Variants in LPP observed in about 807,000 individuals in gnomAD.
LPP encodes the protein LIM domain containing preferred translocation partner in lipoma.
In LPP, 38 loss-of-function variants were observed where a neutral mutation model predicts 60.4. That is an observed-to-expected ratio of 0.63 (90% confidence interval 0.49 to 0.83). The LOEUF (loss-of-function observed/expected upper bound fraction) is 0.83. Among genes scored for constraint, LPP ranks in the 40% least tolerant of loss-of-function variants. The probability of loss-of-function intolerance (pLI) is 0.00; values close to 1 mark genes in which losing one functional copy is unlikely to be tolerated. For missense variants in LPP, 902 were observed against 783.6 expected (o/e 1.15, Z -1.80); for synonymous variants, 328 against 290.8 (o/e 1.13, Z -1.30).
intron 8 of LPP, among the ~76,000 whole-genome samples, chr3:188,755,858 A>C (rs1577363241): frequency 5.2e-5 from 6 of 115,594 alleles, no homozygotes; most frequent in Non-Finnish European, 7.1e-5. Context: ...AAAAAAAAAA[A>C]AAAAAAACAA....
chr3:188,540,197 T>A (rs1216167226), intron 6 of LPP, among the ~76,000 whole-genome samples: 1 of 152,206 alleles, frequency 6.6e-6, no homozygotes, highest in African/African-American at 2.4e-5. Context: ...TCAGTTGGTT[T>A]GCAAACTGGA....
At position 188,882,239 on chromosome 3, in the gene LPP, CTT is replaced by C. The variant is rs1475507698; in HGVS notation, c.*7761_*7762del. Reference sequence around the variant, plus strand: ...AAGAAATCTTGAGCTGATTCTTTGACTTGATTTAGAAGTTGAGAAAAGAGTAT... The same window carrying C: ...AAGAAATCTTGAGCTGATTCTTTGACGATTTAGAAGTTGAGAAAAGAGTAT... On this transcript the variant is annotated 3_prime_UTR_variant, in exon 12 of 12. Transcript: ENST00000617246. 4.6e-6 allele frequency: 1 copy of C among 219,240 alleles called. No homozygotes were observed. The highest frequency in any genetic ancestry group is 9.1e-6 in the Non-Finnish European group (1 of 109,522). 13.6% of individuals were successfully genotyped at this position (219,240 alleles called of 1,614,324 possible).
chr3:188,539,274 T>TG (rs1420125644), intron 6 of LPP, among the ~76,000 whole-genome samples: 3 of 152,122 alleles, frequency 2.0e-5, no homozygotes, highest in African/African-American at 7.2e-5. Context: ...TACAATCTCT[T>TG]GGGGAAAAAT....
intron 3 of LPP, among the ~76,000 whole-genome samples, chr3:188,360,644 A>G (rs887362699): frequency 6.6e-6 from 1 of 152,196 alleles, no homozygotes; most frequent in African/African-American, 2.4e-5. Flanking sequence ...GTCATGAGCC[A>G]CCACATCTGG....
At chr3:188,212,575 G>A (rs982826029) in intron 1 of LPP, 3 of 152,212 alleles carry the variant, frequency 2.0e-5, no homozygotes, top group Non-Finnish European at 4.4e-5. Context: ...TTGGAAGAGA[G>A]GGAGGTGACT....
At chr3:188,203,589 A>ATT (rs377731610) in intron 1 of LPP, among the ~76,000 whole-genome samples, 64 of 97,646 alleles carry the variant, frequency 6.6e-4, no homozygotes, top group African/African-American at 1.9e-3. Context: ...ATATATATAT[A>ATT]TTTAAATATA....
rs1466671979 is a variant in LPP, at chr3:188,873,135, CAG to C, written c.1710+375_1710+376del. The stretch of plus-strand genomic sequence containing the variant: ...GAGGCTTTGGTTAGAACTTCTTGTT[CAG>C]AGTCATGGAGATTTATTTATTTGTT... On this transcript the variant is annotated intron_variant, in intron 11 of 11. Coordinates refer to ENST00000617246, the MANE Select transcript of LPP (RefSeq NM_001375462.1). Among the ~76,000 whole-genome samples, 3 of 152,312 alleles carry C rather than the reference CAG, an allele frequency of 2.0e-5. No individual in the cohort carries two copies. The East Asian group carries it at 5.8e-4, about 29-fold the overall frequency.
intron 1 of LPP, among the ~76,000 whole-genome samples, chr3:188,221,532 G>A (rs1715778663): frequency 6.6e-6 from 1 of 152,206 alleles, no homozygotes; most frequent in Admixed American, 6.5e-5. Context: ...TTAACTAACA[G>A]TTGTGCCAGA....
chr3:188,398,821 TC>T (rs1781566710), intron 3 of LPP, among the ~76,000 whole-genome samples: 1 of 152,246 alleles, frequency 6.6e-6, no homozygotes, highest in Non-Finnish European at 1.5e-5. Context: ...GCATGATACA[TC>T]TTGATTGATA....
intron 7 of LPP, among the ~76,000 whole-genome samples, chr3:188,622,634 C>T (rs1381339726): frequency 6.6e-6 from 1 of 152,046 alleles, no homozygotes; most frequent in Admixed American, 6.6e-5. Flanking sequence ...CAATGATGAA[C>T]AAAAACTCAG....
intron 9 of LPP, among the ~76,000 whole-genome samples, chr3:188,760,513 T>C (rs560770690): frequency 6.6e-6 from 1 of 152,138 alleles, no homozygotes; most frequent in South Asian, 2.1e-4. Flanking sequence ...AAAGGTGTAT[T>C]AGCATGGGAC....
At chr3:188,719,279 T>C (rs1016769335) in intron 8 of LPP, among the ~76,000 whole-genome samples, 2 of 152,198 alleles carry the variant, frequency 1.3e-5, no homozygotes, top group Non-Finnish European at 2.9e-5. Flanking sequence ...TCTAATTGGA[T>C]TGGATGGATA....
At chr3:188,527,754 C>T (rs201101920) in intron 6 of LPP, among the ~76,000 whole-genome samples, 2 of 144,632 alleles carry the variant, frequency 1.4e-5, no homozygotes, top group Non-Finnish European at 3.0e-5. Flanking sequence ...GCTCCCTTTC[C>T]TTTTTTTTTT....
intron 1 of LPP, among the ~76,000 whole-genome samples, chr3:188,216,292 G>T (rs868638708): frequency 0.035 from 2,074 of 58,646 alleles, 35 homozygotes; most frequent in African/African-American, 0.095. Flanking sequence ...TTTTTTTTTT[G>T]ATGGAGTCTC....
In LPP at chr3:188,880,854, G is replaced by T. The variant is rs936556769; in HGVS notation, c.*6375G>T. ...GAGAGTTACAGTTGCCCCCAAACAC[G>T]AATGCTATTCCCAAATAAAATAGAA... On this transcript the variant is annotated 3_prime_UTR_variant, in exon 12 of 12. Transcript: ENST00000617246. The T allele has an allele frequency of 1.1e-5, 2 of 176,904 alleles. No homozygotes were observed. Among genetic ancestry groups the T allele is most frequent in the Admixed American group, 1.3e-4 (2 of 15,774 alleles). The allele number at this position is 176,904 out of a possible 1,614,324, so 11.0% of individuals were successfully genotyped here. A position where few individuals can be genotyped will look rare whatever the true frequency, so the allele number is the denominator to read the frequency against.
At chr3:188,397,865 C>T (rs1015518895) in intron 3 of LPP, among the ~76,000 whole-genome samples, 9 of 152,086 alleles carry the variant, frequency 5.9e-5, no homozygotes, top group Non-Finnish European at 1.3e-4. Flanking sequence ...CTGCCTTCCT[C>T]GGCCTCCCAA....
chr3:188,694,249 T>C (rs1862724485), intron 7 of LPP, among the ~76,000 whole-genome samples: 1 of 152,242 alleles, frequency 6.6e-6, no homozygotes, highest in Non-Finnish European at 1.5e-5. Flanking sequence ...TATAGTATTA[T>C]TTACCTGTTT....
At chr3:188,408,389 G>A (rs1219415100) in intron 4 of LPP, among the ~76,000 whole-genome samples, 1 of 152,128 alleles carries the variant, frequency 6.6e-6, no homozygotes, top group Non-Finnish European at 1.5e-5. Context: ...CTGTGAATTT[G>A]ACATGCCCTC....
intron 4 of LPP, among the ~76,000 whole-genome samples, chr3:188,471,906 A>G (rs1322944248): frequency 6.6e-6 from 1 of 152,170 alleles, no homozygotes; most frequent in African/African-American, 2.4e-5. Context: ...AGCTAAGAGT[A>G]AACAGAGTGC....
Sources: gnomAD v4.1 joint callset for allele counts (sites outside exome capture counted in the v4.1 genomes callset) on GRCh38, gnomAD v4.1.1 for gene constraint, MANE v1.5 for transcripts, NCBI Gene and HGNC (gene_info 2026-07-23, HGNC 2026-07-21) for gene names.